The following PSD3 variants were observed in gnomAD, a reference collection of about 807,000 sequenced individuals.
The protein encoded by PSD3 is pleckstrin and Sec7 domain containing 3, also known as PH and SEC7 domain-containing protein 3.
A neutral mutation model predicts 105.5 loss-of-function variants in PSD3; 49 were observed. The observed-to-expected ratio is 0.46, with a 90% CI of 0.37 to 0.59. The LOEUF (loss-of-function observed/expected upper bound fraction) is 0.59, where lower values mean the gene tolerates loss of function less well. Ranked by LOEUF, PSD3 falls within the 20% of genes least tolerant of loss-of-function variation. The pLI, the probability that PSD3 is intolerant of heterozygous loss-of-function variation, is 0.00. For missense variants in PSD3, 1,561 were observed against 1,263.8 expected (o/e 1.24, Z -3.57); for synonymous variants, 557 against 457.8 (o/e 1.22, Z -2.77).
intron 12 of PSD3, among the ~76,000 whole-genome samples, chr8:18,575,558 A>C (rs1802417073): frequency 6.6e-6 from 1 of 152,188 alleles, no homozygotes; most frequent in South Asian, 2.1e-4. Flanking sequence ...TGAGGTAAAT[A>C]GCTAAGTAAG....
chr8:18,776,393 T>TG (rs1232409830), intron 8 of PSD3, among the ~76,000 whole-genome samples: 1 of 148,532 alleles, frequency 6.7e-6, no homozygotes, highest in Non-Finnish European at 1.5e-5. Context: ...ATTTTTTTTT[T>TG]TTGTTTTTGA....
intron 2 of PSD3, among the ~76,000 whole-genome samples, chr8:18,917,355 T>C (rs969072209): frequency 6.6e-6 from 1 of 152,180 alleles, no homozygotes. Context: ...GAATAAATAC[T>C]GTATTTTCAG....
At chr8:19,051,997 T>C (rs6586793) in intron 1 of PSD3, among the ~76,000 whole-genome samples, 26,201 of 151,990 alleles carry the variant, frequency 0.17, 3,396 homozygotes, top group African/African-American at 0.37. Flanking sequence ...TAGATCAAAG[T>C]GATGGAGAAT....
chr8:18,961,705 A>C (rs1823938341), intron 1 of PSD3, among the ~76,000 whole-genome samples: 1 of 152,212 alleles, frequency 6.6e-6, no homozygotes, highest in African/African-American at 2.4e-5. Flanking sequence ...AAATAAATGC[A>C]GAAGGTATTT....
intron 9 of PSD3, chr8:18,734,009 G>C (rs573461783): frequency 6.6e-6 from 1 of 152,156 alleles, no homozygotes; most frequent in East Asian, 1.9e-4. Context: ...CTAGGCAAAG[G>C]CAGCACTTAT....
chr8:19,082,920 C>T (rs570532090), intron 1 of PSD3, among the ~76,000 whole-genome samples: 1 of 152,204 alleles, frequency 6.6e-6, no homozygotes, highest in Non-Finnish European at 1.5e-5. Flanking sequence ...CTCTGGAGAG[C>T]TTTCTCCCCG....
chr8:18,879,771 A>G lies in PSD3; in HGVS notation c.131-7038T>C, dbSNP rs538558273. ...TCACCCGGCTAATTTTTTTATTTTT[A>G]TTTTTTTGTAGAGACGGGGTTTCCC... On this transcript the variant is annotated intron_variant, in intron 2 of 15. Transcript: ENST00000327040. Among the ~76,000 whole-genome samples, 27 of 151,862 alleles carry G rather than the reference A, an allele frequency of 1.8e-4. No homozygotes were observed. The South Asian group carries it at 5.6e-3, about 32-fold the overall frequency.
At chr8:18,823,444 C>T (rs1335435971) in intron 4 of PSD3, among the ~76,000 whole-genome samples, 1 of 152,106 alleles carries the variant, frequency 6.6e-6, no homozygotes, top group African/African-American at 2.4e-5. Context: ...ATAGCAAAGG[C>T]GTGAATTCTC....
chr8:18,536,004 A>C, intron 15 of PSD3, 46 bp from the exon 16 acceptor site: 1 of 1,555,910 alleles, frequency 6.4e-7, no homozygotes, highest in Non-Finnish European at 8.8e-7. Flanking sequence ...AACTGTTCAA[A>C]ATGCACGTGT....
intron 1 of PSD3, among the ~76,000 whole-genome samples, chr8:18,988,115 AT>A (rs1468201496): frequency 1.5e-4 from 8 of 54,434 alleles, no homozygotes; most frequent in African/African-American, 3.2e-4. Flanking sequence ...AAATAAATAC[AT>A]ATATATATAT....
At chr8:18,687,636 T>A (rs1214934239) in intron 9 of PSD3, among the ~76,000 whole-genome samples, 1 of 152,192 alleles carries the variant, frequency 6.6e-6, no homozygotes, top group Non-Finnish European at 1.5e-5. Context: ...CCCAGTTTCC[T>A]ATGCATCCTT....
chr8:18,911,585 C>T lies in PSD3; in HGVS notation c.130+24449G>A, dbSNP rs982378882. Among the ~76,000 whole-genome samples the T allele has an allele frequency of 1.3e-5, 2 of 152,134 alleles. 1 individual carries two copies. The highest frequency in any genetic ancestry group is 4.1e-4 in the South Asian group (2 of 4,826). ...TCTGTCTGAGGTTCCAAGAATAATA[C>T]AAAAAGTTCCTAGCAGAGTGTCTGT... On this transcript the variant is annotated intron_variant, in intron 2 of 15. Coordinates refer to ENST00000327040, the MANE Select transcript of PSD3 (RefSeq NM_015310.4).
At chr8:18,552,873 TAA>T (rs1255099928) in intron 15 of PSD3, among the ~76,000 whole-genome samples, 1 of 152,148 alleles carries the variant, frequency 6.6e-6, no homozygotes, top group Non-Finnish European at 1.5e-5. Context: ...CCATTCTGAG[TAA>T]AGTTTGCTGC....
At chr8:18,900,267 G>T (rs776783505) in intron 2 of PSD3, among the ~76,000 whole-genome samples, 17 of 152,040 alleles carry the variant, frequency 1.1e-4, no homozygotes, top group Non-Finnish European at 2.4e-4. Flanking sequence ...AATCATTGTA[G>T]AGTCTATAGG....
chr8:18,966,822 A>C (rs1458831367), intron 1 of PSD3, among the ~76,000 whole-genome samples: 1 of 152,200 alleles, frequency 6.6e-6, no homozygotes, highest in Non-Finnish European at 1.5e-5. Flanking sequence ...TTTTTAAATG[A>C]AATGCAAAAT....
intron 12 of PSD3, among the ~76,000 whole-genome samples, chr8:18,589,763 C>A (rs1803459535): frequency 6.6e-6 from 1 of 152,076 alleles, no homozygotes; most frequent in South Asian, 2.1e-4. Flanking sequence ...GCGAGGGCTT[C>A]TAAGCAGAAA....
chr8:18,659,453 CAT>C (rs943823579), intron 9 of PSD3, among the ~76,000 whole-genome samples: 11 of 152,154 alleles, frequency 7.2e-5, no homozygotes, highest in Non-Finnish European at 2.9e-5. Context: ...AATGAAATCC[CAT>C]GTTAATTAAC....
intron 9 of PSD3, among the ~76,000 whole-genome samples, chr8:18,761,408 A>G (rs1371586190): frequency 6.6e-6 from 1 of 152,224 alleles, no homozygotes; most frequent in Non-Finnish European, 1.5e-5. Flanking sequence ...GTAAAATAAT[A>G]TCAAAAATAA....
In PSD3 at chr8:19,013,647, G is replaced by A. The variant is rs1001951991; in HGVS notation, c.-64C>T. On this transcript the variant is annotated 5_prime_UTR_variant, in exon 1 of 16. Coordinates refer to ENST00000327040, the MANE Select transcript of PSD3 (RefSeq NM_015310.4). ...CGGGCGCTCCGGGGCCGCAGCCTCA[G>A]GGCGCGAGTGCCGGCGGCCAGCGCC... 53 of 1,248,294 alleles carry A rather than the reference G, an allele frequency of 4.2e-5. No homozygotes were observed. Among genetic ancestry groups the A allele is most frequent in the Non-Finnish European group, 5.1e-5 (51 of 1,000,066 alleles). 77.3% of individuals were successfully genotyped at this position (1,248,294 alleles called of 1,614,324 possible). A position where few individuals can be genotyped will look rare whatever the true frequency, so the allele number is the denominator to read the frequency against.
Sources: gnomAD v4.1 joint callset for allele counts (sites outside exome capture counted in the v4.1 genomes callset) on GRCh38, gnomAD v4.1.1 for gene constraint, MANE v1.5 for transcripts, NCBI Gene and HGNC (gene_info 2026-07-23, HGNC 2026-07-21) for gene names.